Variants in FRY observed in about 807,000 individuals in gnomAD.
The protein encoded by FRY is protein furry homolog.
A neutral mutation model predicts 348.4 loss-of-function variants in FRY; 128 were observed. The observed-to-expected ratio is 0.37, with a 90% CI of 0.32 to 0.43. The LOEUF is 0.43. FRY is among the 20% of genes least tolerant of loss of function. The pLI is 1.00. For synonymous variants in FRY, 1,370 were observed against 1,374.7 expected, an observed-to-expected ratio of 1.00 and a Z score of 0.08; for missense variants, 2,736 against 3,695.2, an observed-to-expected ratio of 0.74 and a Z score of 6.73.
At chr13:32,285,393 A>G (rs1289540554) in intron 58 of FRY, among the ~76,000 whole-genome samples, 1 of 152,220 alleles carries the variant, frequency 6.6e-6, no homozygotes, top group Non-Finnish European at 1.5e-5. Flanking sequence ...GGAAGCCTGA[A>G]CTAGCCTACC....
chr13:32,032,812 A>T (rs891601386), intron 1 of FRY, among the ~76,000 whole-genome samples: 3 of 152,206 alleles, frequency 2.0e-5, no homozygotes, highest in Non-Finnish European at 4.4e-5. Context: ...TGTTTTAAAT[A>T]AAAAAATTTT....
At chr13:32,088,548 T>C (rs979821035) in intron 2 of FRY, among the ~76,000 whole-genome samples, 15 of 152,230 alleles carry the variant, frequency 9.9e-5, no homozygotes, top group Admixed American at 3.3e-4. Flanking sequence ...ATCTTTCAGA[T>C]GAGCTCATAA....
chr13:32,172,200 A>C (rs1015741638), intron 18 of FRY, among the ~76,000 whole-genome samples: 1 of 151,344 alleles, frequency 6.6e-6, no homozygotes, highest in African/African-American at 2.4e-5. Flanking sequence ...GGATGTAGAT[A>C]TGGATTTGGA....
intron 8 of FRY, among the ~76,000 whole-genome samples, chr13:32,133,207 A>C (rs2138764519): frequency 6.6e-6 from 1 of 152,318 alleles, no homozygotes; most frequent in African/African-American, 2.4e-5. Flanking sequence ...AAATTATGTC[A>C]CAATAAAACT....
chr13:32,195,137 A>G (rs77104176), intron 29 of FRY, among the ~76,000 whole-genome samples: 5,305 of 152,266 alleles, frequency 0.035, 108 homozygotes, highest in East Asian at 0.087. Context: ...CCTAAAATGA[A>G]CATGCTATTT....
intron 43 of FRY, among the ~76,000 whole-genome samples, chr13:32,236,621 C>G (rs1049101756): frequency 6.6e-6 from 1 of 152,232 alleles, no homozygotes; most frequent in East Asian, 1.9e-4. Context: ...CAAAGAAATT[C>G]CTACCTCAGT....
intron 1 of FRY, among the ~76,000 whole-genome samples, chr13:32,047,869 G>C (rs550218393): frequency 6.6e-6 from 1 of 152,118 alleles, no homozygotes; most frequent in South Asian, 2.1e-4. Context: ...CACCACACCC[G>C]GCCCAGTTAC....
intron 22 of FRY, among the ~76,000 whole-genome samples, 174 bp from the exon 23 acceptor site, chr13:32,179,501 A>T (rs995340171): frequency 1.5e-3 from 93 of 62,470 alleles, no homozygotes; most frequent in African/African-American, 5.3e-3. Flanking sequence ...GCTGTATTAA[A>T]TTTGTGTGTG....
At chr13:32,144,824 T>C (rs1175809616) in intron 11 of FRY, among the ~76,000 whole-genome samples, 1 of 152,170 alleles carries the variant, frequency 6.6e-6, no homozygotes, top group Non-Finnish European at 1.5e-5. Context: ...ATCATTTATG[T>C]GGGAACTGAT....
At chr13:32,130,751 A>G (rs979813968) in intron 7 of FRY, among the ~76,000 whole-genome samples, 55 of 152,098 alleles carry the variant, frequency 3.6e-4, no homozygotes, top group African/African-American at 1.3e-3. Flanking sequence ...GTAAAATTCC[A>G]TGAATATAAT....
At chr13:32,124,521 T>G in intron 5 of FRY, 81 bp from the exon 6 acceptor site, 1 of 889,760 alleles carries the variant, frequency 1.1e-6, no homozygotes, top group South Asian at 1.4e-5. Context: ...CTATTGATTG[T>G]CATATATAGT....
chr13:32,121,229 C>G (rs1343239194), intron 4 of FRY, among the ~76,000 whole-genome samples: 1 of 152,196 alleles, frequency 6.6e-6, no homozygotes. Flanking sequence ...CCACTATAAA[C>G]ATGCATGTGC....
chr13:32,170,933 A>T, intron 17 of FRY, 79 bp from the exon 18 acceptor site: 1 of 1,022,826 alleles, frequency 9.8e-7, no homozygotes, highest in Non-Finnish European at 1.6e-6. Flanking sequence ...GATATACATT[A>T]ATATCTATTA....
In FRY at chr13:32,249,706, A is replaced by G; in HGVS notation, c.7170+19A>G. 1.9e-6 allele frequency: 3 copies of G among 1,610,552 alleles called. No individual in the cohort carries two copies. The highest frequency in any genetic ancestry group is 2.5e-6 in the Non-Finnish European group (3 of 1,176,978). ...TTCTCAGGTATGCAATCCTAGACCC[A>G]CAGTCCTGGGAGGGAGTTTAGGGAC... On this transcript the variant is annotated intron_variant, in intron 49 of 60. Coordinates refer to ENST00000542859, the MANE Select transcript of FRY (RefSeq NM_023037.3).
chr13:32,285,514 G>A (rs1031832919), intron 58 of FRY, among the ~76,000 whole-genome samples: 3 of 152,176 alleles, frequency 2.0e-5, no homozygotes, highest in Non-Finnish European at 2.9e-5. Context: ...GGAATTCATT[G>A]ACAATGAAAT....
intron 59 of FRY, among the ~76,000 whole-genome samples, chr13:32,291,760 A>G (rs544531139): frequency 1.3e-5 from 2 of 152,292 alleles, no homozygotes; most frequent in African/African-American, 2.4e-5. Context: ...CAAAATATCA[A>G]CATTAGCAGG....
At chr13:32,219,869 G>T (rs1005944587) in intron 36 of FRY, among the ~76,000 whole-genome samples, 7 of 152,160 alleles carry the variant, frequency 4.6e-5, no homozygotes, top group African/African-American at 1.4e-4. Context: ...AGTCTCCATA[G>T]CCTATTGAAA....
chr13:32,295,269 T>C lies in FRY; in HGVS notation c.8851T>C (p.Tyr2951His), dbSNP rs1287759069. Reference protein sequence around the residue: ...DDEVQTLLNIYFRHQTLGQTG... With the variant: ...DDEVQTLLNIHFRHQTLGQTG... ...TGAGGTCCAGACACTACTGAATATTTATTTCCGTCACCAAACTCTGGGACA... is the reference window on the plus strand; with the variant it reads ...TGAGGTCCAGACACTACTGAATATTCATTTCCGTCACCAAACTCTGGGACA... Residue 2951 changes from tyrosine to histidine, a missense_variant, in exon 61 of 61, where the codon TAT becomes CAT. Coordinates refer to ENST00000542859, the MANE Select transcript of FRY (RefSeq NM_023037.3). The C allele has an allele frequency of 1.2e-6, 2 of 1,613,764 alleles. No individual in the cohort carries two copies. The highest frequency in any genetic ancestry group is 1.7e-6 in the Non-Finnish European group (2 of 1,179,808).
At chr13:32,235,028 GT>G (rs990769302) in intron 42 of FRY, among the ~76,000 whole-genome samples, 1 of 152,136 alleles carries the variant, frequency 6.6e-6, no homozygotes, top group Non-Finnish European at 1.5e-5. Context: ...TGTTTTTGTG[GT>G]TGGTTTTATT....
Sources: gnomAD v4.1 joint callset for allele counts (sites outside exome capture counted in the v4.1 genomes callset) on GRCh38, gnomAD v4.1.1 for gene constraint, MANE v1.5 for transcripts, NCBI Gene and HGNC (gene_info 2026-07-23, HGNC 2026-07-21) for gene names.